HEMK2: variants seen among roughly 807,000 people sequenced by gnomAD.
HEMK2 encodes HemK methyltransferase 2, ETF1 glutamine and histone H4 lysine, also known as methyltransferase HEMK2.
the HEMK2 span, among the ~76,000 whole-genome samples, chr21:28,716,058 T>C: frequency 3.9e-5 from 6 of 152,216 alleles, no homozygotes; most frequent in Non-Finnish European, 5.9e-5. Flanking sequence ...ACAGTTTAGT[T>C]TGAAATTGAG....
chr21:28,700,271 C>A, the HEMK2 span, among the ~76,000 whole-genome samples: 7 of 152,154 alleles, frequency 4.6e-5, no homozygotes, highest in South Asian at 4.1e-4. Context: ...CTGTCCTCAT[C>A]ATAATCAATG....
the HEMK2 span, among the ~76,000 whole-genome samples, chr21:28,811,682 T>C: frequency 6.6e-6 from 1 of 152,188 alleles, no homozygotes; most frequent in Non-Finnish European, 1.5e-5. Flanking sequence ...AATAATTCTG[T>C]ATGTGTCTGA....
the HEMK2 span, among the ~76,000 whole-genome samples, chr21:28,746,413 C>G: frequency 1.3e-5 from 2 of 152,164 alleles, no homozygotes; most frequent in African/African-American, 4.8e-5. Context: ...GCCCTGCATT[C>G]ATTCAACAAA....
the HEMK2 span, among the ~76,000 whole-genome samples, chr21:28,617,395 C>G: frequency 3.9e-5 from 6 of 152,232 alleles, no homozygotes. Flanking sequence ...TTATTTTGTG[C>G]TGATTTCATA....
At chr21:28,841,249 ATATATTATATAT>A in the HEMK2 span, among the ~76,000 whole-genome samples, 21 of 10,420 alleles carry the variant, frequency 2.0e-3, 2 homozygotes, top group African/African-American at 9.4e-3. Context: ...TATATATATA[ATATATTATATAT>A]AATATATATT....
chr21:28,759,277 C>T, the HEMK2 span, among the ~76,000 whole-genome samples: 1 of 152,142 alleles, frequency 6.6e-6, no homozygotes, highest in South Asian at 2.1e-4. Flanking sequence ...GTCAAAGGAG[C>T]TCATTTTGGA....
chr21:28,664,109 A>G, the HEMK2 span, among the ~76,000 whole-genome samples: 2 of 152,146 alleles, frequency 1.3e-5, no homozygotes, highest in African/African-American at 4.8e-5. Flanking sequence ...AATTAGTTTT[A>G]TATGTGTTTA....
At chr21:28,718,147 G>A in the HEMK2 span, among the ~76,000 whole-genome samples, 8 of 152,090 alleles carry the variant, frequency 5.3e-5, no homozygotes, top group South Asian at 1.7e-3. Flanking sequence ...TTCAAAAATT[G>A]TTTTGATTTC....
the HEMK2 span, among the ~76,000 whole-genome samples, chr21:28,773,115 G>C: frequency 6.6e-6 from 1 of 152,092 alleles, no homozygotes; most frequent in Non-Finnish European, 1.5e-5. Flanking sequence ...TGCCTCTCCT[G>C]CTCTAGACTT....
At chr21:28,582,334 A>AT in the HEMK2 span, among the ~76,000 whole-genome samples, 1 of 151,968 alleles carries the variant, frequency 6.6e-6, no homozygotes, top group East Asian at 1.9e-4. Context: ...TATTAATATC[A>AT]TTTTTTTTCT....
At chr21:28,748,196 C>T in the HEMK2 span, among the ~76,000 whole-genome samples, 6 of 152,204 alleles carry the variant, frequency 3.9e-5, no homozygotes, top group African/African-American at 9.7e-5. Flanking sequence ...ATCATTCAAA[C>T]CCCAAGTCTC....
chr21:28,701,255 CT>C, the HEMK2 span, among the ~76,000 whole-genome samples: 13,452 of 152,014 alleles, frequency 0.088, 871 homozygotes, highest in East Asian at 0.3. Context: ...TGCCCTCTCT[CT>C]CCACTCCTAT....
At chr21:28,869,421 T>A in the HEMK2 span, among the ~76,000 whole-genome samples, 4 of 152,234 alleles carry the variant, frequency 2.6e-5, no homozygotes, top group African/African-American at 9.6e-5. Flanking sequence ...GTCACTTTCC[T>A]TTCTTATATA....
the HEMK2 span, among the ~76,000 whole-genome samples, chr21:28,820,399 A>G: frequency 2.6e-5 from 4 of 152,204 alleles, no homozygotes; most frequent in Non-Finnish European, 5.9e-5. Context: ...CCCATATTGC[A>G]AGAAGGAAGA....
At chr21:28,678,792 C>T in the HEMK2 span, among the ~76,000 whole-genome samples, 1 of 152,142 alleles carries the variant, frequency 6.6e-6, no homozygotes, top group Non-Finnish European at 1.5e-5. Context: ...TCCAGCCAAA[C>T]TAAGCTTCAT....
chr21:28,802,118 A>G, the HEMK2 span, among the ~76,000 whole-genome samples: 1 of 152,206 alleles, frequency 6.6e-6, no homozygotes, highest in African/African-American at 2.4e-5. Flanking sequence ...GTAGGAATAC[A>G]TAAGCAAGTG....
At chr21:28,767,296 T>C in the HEMK2 span, among the ~76,000 whole-genome samples, 2 of 152,016 alleles carry the variant, frequency 1.3e-5, no homozygotes, top group African/African-American at 4.8e-5. Context: ...GGTATGTCTT[T>C]TTCAGCAGCA....
chr21:28,632,670 T>C, the HEMK2 span, among the ~76,000 whole-genome samples: 2 of 152,220 alleles, frequency 1.3e-5, no homozygotes, highest in Non-Finnish European at 2.9e-5. Flanking sequence ...CTATTTGTTC[T>C]TATAACTTTT....
At chr21:28,846,987 T>C in the HEMK2 span, among the ~76,000 whole-genome samples, 5 of 152,194 alleles carry the variant, frequency 3.3e-5, no homozygotes, top group Non-Finnish European at 5.9e-5. Flanking sequence ...TATGGCTGTG[T>C]AGTATTCTGT....
Sources: allele counts gnomAD v4.1 joint callset (sites outside exome capture counted in the v4.1 genomes callset), GRCh38; gene constraint gnomAD v4.1.1; transcripts MANE v1.5; gene names NCBI Gene and HGNC (gene_info 2026-07-23, HGNC 2026-07-21).